Variants in LUZP2 observed in about 807,000 individuals in gnomAD.
LUZP2 encodes the protein leucine zipper protein 2.
A neutral mutation model predicts 51.6 loss-of-function variants in LUZP2; 52 were observed. The ratio of observed to expected loss-of-function variants is 1.01; its 90% CI spans 0.81 to 1.27. LUZP2 has a LOEUF of 1.27. LUZP2 is among the 50% of genes most tolerant of loss of function. The pLI is 0.00. For synonymous variants in LUZP2, 154 were observed against 137.3 expected (o/e 1.12, Z -0.85); for missense variants, 436 against 395.4 (o/e 1.10, Z -0.87).
intron 1 of LUZP2, among the ~76,000 whole-genome samples, chr11:24,668,979 G>A (rs944707931): frequency 2.6e-5 from 4 of 152,098 alleles, no homozygotes; most frequent in African/African-American, 9.7e-5. Flanking sequence ...ATATTTTTCA[G>A]TAAACGGCTT....
intron 1 of LUZP2, among the ~76,000 whole-genome samples, chr11:24,602,267 TACATAC>T (rs1853743635): frequency 7.2e-6 from 1 of 139,634 alleles, no homozygotes; most frequent in Non-Finnish European, 1.5e-5. Flanking sequence ...AACATATATG[TACATAC>T]ATATATACAC....
chr11:24,604,917 A>T (rs956940784), intron 1 of LUZP2, among the ~76,000 whole-genome samples: 5 of 151,854 alleles, frequency 3.3e-5, no homozygotes, highest in Non-Finnish European at 7.4e-5. Flanking sequence ...ATGAGATTTT[A>T]AAAAACTCAT....
chr11:24,565,301 T>C (rs918958367), intron 1 of LUZP2, among the ~76,000 whole-genome samples: 2 of 152,172 alleles, frequency 1.3e-5, no homozygotes, highest in African/African-American at 4.8e-5. Flanking sequence ...GGAACTATTT[T>C]TGAATTGTCC....
chr11:24,724,576 A>G (rs1858403598), intron 1 of LUZP2, among the ~76,000 whole-genome samples: 1 of 152,198 alleles, frequency 6.6e-6, no homozygotes, highest in Non-Finnish European at 1.5e-5. Flanking sequence ...GTCTCAAAAA[A>G]TCAATCAATC....
chr11:24,824,615 T>G (rs116777196), intron 5 of LUZP2, among the ~76,000 whole-genome samples: 2,173 of 151,982 alleles, frequency 0.014, 48 homozygotes, highest in African/African-American at 0.048. Context: ...TGCTTCCAAA[T>G]CTAAAGTCTT....
At chr11:24,981,948 ACATG>A (rs71914613) in intron 8 of LUZP2, among the ~76,000 whole-genome samples, 138,625 of 151,712 alleles carry the variant, frequency 0.91, 64,639 homozygotes, top group Non-Finnish European at 1. Flanking sequence ...TAGGCAAAGG[ACATG>A]CATGAACAGA....
chr11:24,593,307 C>T (rs1403740301), intron 1 of LUZP2, among the ~76,000 whole-genome samples: 1 of 151,920 alleles, frequency 6.6e-6, no homozygotes, highest in Non-Finnish European at 1.5e-5. Flanking sequence ...ATCATTATTC[C>T]TGTTGTCTTT....
At chr11:24,725,956 G>A in intron 1 of LUZP2, among the ~76,000 whole-genome samples, 1 of 152,064 alleles carries the variant, frequency 6.6e-6, no homozygotes, top group Admixed American at 6.6e-5. Context: ...GCTGATGAGA[G>A]AGGCCTAAGA....
At chr11:24,869,379 A>G (rs1851988750) in intron 5 of LUZP2, among the ~76,000 whole-genome samples, 1 of 152,156 alleles carries the variant, frequency 6.6e-6, no homozygotes. Context: ...CCACTTTTCC[A>G]ACAGCATTTG....
chr11:24,502,146 G>T (rs1308230049), intron 1 of LUZP2, among the ~76,000 whole-genome samples: 1 of 149,952 alleles, frequency 6.7e-6, no homozygotes, highest in African/African-American at 2.5e-5. Flanking sequence ...CTCAACAAAG[G>T]TTAGCCTGTA....
chr11:24,934,103 G>A (rs1271311954), intron 7 of LUZP2, among the ~76,000 whole-genome samples: 2 of 152,150 alleles, frequency 1.3e-5, no homozygotes, highest in African/African-American at 4.8e-5. Context: ...AAAGTCAGCT[G>A]ATCAGTTAGG....
chr11:24,699,979 A>G (rs1396569059), intron 1 of LUZP2, among the ~76,000 whole-genome samples: 2 of 150,226 alleles, frequency 1.3e-5, no homozygotes, highest in Admixed American at 1.3e-4. Flanking sequence ...GAACAATTTT[A>G]CTTTTCAAAT....
At chr11:25,055,830 T>G (rs1049288886) in intron 10 of LUZP2, among the ~76,000 whole-genome samples, 1 of 152,166 alleles carries the variant, frequency 6.6e-6, no homozygotes, top group African/African-American at 2.4e-5. Flanking sequence ...ATCATGAATA[T>G]TTAACCCTTT....
intron 1 of LUZP2, among the ~76,000 whole-genome samples, chr11:24,623,533 A>G (rs1590256887): frequency 2.0e-5 from 3 of 152,270 alleles, no homozygotes; most frequent in African/African-American, 7.2e-5. Flanking sequence ...TATCACAGCT[A>G]TGTCCCCATC....
chr11:24,712,727 T>C (rs1235086988), intron 1 of LUZP2, among the ~76,000 whole-genome samples: 1 of 152,164 alleles, frequency 6.6e-6, no homozygotes, highest in Admixed American at 6.5e-5. Flanking sequence ...AGAAAGGGGC[T>C]TAGAAGAGCC....
intron 5 of LUZP2, among the ~76,000 whole-genome samples, chr11:24,859,296 A>C (rs527538008): frequency 8.1e-4 from 124 of 152,318 alleles, no homozygotes; most frequent in African/African-American, 2.9e-3. Context: ...TTCCCGACTT[A>C]TTGTAGTAGC....
intron 7 of LUZP2, among the ~76,000 whole-genome samples, chr11:24,915,790 C>T (rs1002966803): frequency 2.6e-5 from 4 of 151,452 alleles, no homozygotes; most frequent in African/African-American, 9.7e-5. Context: ...GAGGTTCTTG[C>T]CATTAAAAAA....
At chr11:24,979,248 C>T (rs35848206) in intron 8 of LUZP2, among the ~76,000 whole-genome samples, 56,696 of 151,582 alleles carry the variant, frequency 0.37, 12,683 homozygotes, top group East Asian at 0.71. Flanking sequence ...CTTTAACCTT[C>T]AGATCTTGTC....
chr11:24,685,532 A>T (rs1565076174), intron 1 of LUZP2, among the ~76,000 whole-genome samples: 1 of 152,112 alleles, frequency 6.6e-6, no homozygotes, highest in Non-Finnish European at 1.5e-5. Context: ...TGGCTATGAC[A>T]AGGTGAACAT....
Sources: gnomAD v4.1 joint callset for allele counts (sites outside exome capture counted in the v4.1 genomes callset) on GRCh38, gnomAD v4.1.1 for gene constraint, MANE v1.5 for transcripts, NCBI Gene and HGNC (gene_info 2026-07-23, HGNC 2026-07-21) for gene names.